Variants in KLRG1 observed in about 807,000 individuals in gnomAD.
The protein encoded by KLRG1 is killer cell lectin like receptor G1, also known as killer cell lectin-like receptor subfamily G member 1.
KLRG1 carries 16 observed loss-of-function variants against 21.8 expected under a neutral mutation model. That is an observed-to-expected ratio of 0.73 (90% CI 0.50 to 1.11). The LOEUF (loss-of-function observed/expected upper bound fraction) is 1.11, where lower values mean the gene tolerates loss of function less well. Ranked by LOEUF, KLRG1 falls within the 50% of genes most tolerant of loss-of-function variation. KLRG1 has a pLI of 0.00. For missense variants in KLRG1, 173 were observed against 218.3 expected, an observed-to-expected ratio of 0.79 and a Z score of 1.31; for synonymous variants, 69 against 75.9, an observed-to-expected ratio of 0.91 and a Z score of 0.47.
At chr12:9,072,638 GC>G in the KLRG1 span, 8 of 1,612,964 alleles carry the variant, frequency 5.0e-6, no homozygotes, top group Non-Finnish European at 6.8e-6. Context: ...GTCCTCACCT[GC>G]CCAAGAGTCT....
intron 3 of KLRG1, among the ~76,000 whole-genome samples, chr12:9,001,829 G>T (rs1947316855): frequency 6.6e-6 from 1 of 152,136 alleles, no homozygotes; most frequent in Non-Finnish European, 1.5e-5. Flanking sequence ...ACAAAACAGA[G>T]ATATACTGCC....
At chr12:9,079,143 G>T in the KLRG1 span, 1 of 907,172 alleles carries the variant, frequency 1.1e-6, no homozygotes, top group Non-Finnish European at 1.7e-6. Flanking sequence ...CCATCGGTCT[G>T]ATAATACATA....
the KLRG1 span, among the ~76,000 whole-genome samples, chr12:9,189,688 A>C: frequency 1.3e-5 from 2 of 152,342 alleles, no homozygotes; most frequent in Admixed American, 1.3e-4. Context: ...AGAAACTATC[A>C]ATAGAGTAAA....
At chr12:9,107,753 C>T in the KLRG1 span, 2 of 1,267,958 alleles carry the variant, frequency 1.6e-6, no homozygotes, top group Non-Finnish European at 1.1e-6. Context: ...CTGTACTTCC[C>T]TCTGCTCTCT....
chr12:9,172,876 C>T, the KLRG1 span, among the ~76,000 whole-genome samples: 2 of 152,054 alleles, frequency 1.3e-5, no homozygotes, highest in South Asian at 2.1e-4. Context: ...ACAATAATAG[C>T]GAGAGACTTT....
the KLRG1 span, chr12:9,076,638 G>T: frequency 1.2e-6 from 1 of 868,280 alleles, no homozygotes; most frequent in Non-Finnish European, 1.8e-6. Flanking sequence ...AAATATATAT[G>T]ATATATAGAA....
the KLRG1 span, among the ~76,000 whole-genome samples, chr12:9,150,181 A>C: frequency 6.6e-6 from 1 of 152,246 alleles, no homozygotes; most frequent in Non-Finnish European, 1.5e-5. Context: ...AAACTACTTG[A>C]AAGCAGTGAC....
chr12:9,147,570 A>G, the KLRG1 span, among the ~76,000 whole-genome samples: 1 of 152,092 alleles, frequency 6.6e-6, no homozygotes, highest in Non-Finnish European at 1.5e-5. Context: ...ATTTCTCACA[A>G]AGGGAATTTG....
chr12:9,187,067 C>A, the KLRG1 span, among the ~76,000 whole-genome samples: 7 of 85,182 alleles, frequency 8.2e-5, no homozygotes, highest in South Asian at 5.2e-4. Flanking sequence ...GACTTTAAAC[C>A]AAGAAAGGTC....
intron 1 of KLRG1, among the ~76,000 whole-genome samples, chr12:8,960,728 T>A (rs1171307054): frequency 6.6e-6 from 1 of 152,198 alleles, no homozygotes; most frequent in Non-Finnish European, 1.5e-5. Flanking sequence ...TGTCTCCTTC[T>A]GGGGCCAAGG....
the KLRG1 span, among the ~76,000 whole-genome samples, chr12:9,170,275 C>T: frequency 1.3e-5 from 2 of 152,200 alleles, no homozygotes; most frequent in Non-Finnish European, 2.9e-5. This position sits in a 1 kb window ranked among gnomAD's most constrained non-coding sequence, Gnocchi z 4.6. Context: ...AGGATCTCTG[C>T]AACCCATGGA....
chr12:9,076,648 AAAG>A, the KLRG1 span: 2 of 981,392 alleles, frequency 2.0e-6, no homozygotes, highest in East Asian at 2.6e-5. Flanking sequence ...GATATATAGA[AAAG>A]AAGAGAGGAG....
chr12:9,089,006 T>C, the KLRG1 span, among the ~76,000 whole-genome samples: 1 of 152,230 alleles, frequency 6.6e-6, no homozygotes, highest in Admixed American at 6.5e-5. Flanking sequence ...AGATCAAGAC[T>C]CAGAATGCAG....
chr12:9,010,208 TG>T lies in KLRG1; in HGVS notation c.*672del. The T allele has an allele frequency of 1.9e-6, 1 of 532,980 alleles. No homozygotes were observed. Among genetic ancestry groups the T allele is most frequent in the Non-Finnish European group, 3.3e-6 (1 of 301,638 alleles). The allele number at this position is 532,980 out of a possible 1,614,324, so 33.0% of individuals were successfully genotyped here. A position where few individuals can be genotyped will look rare whatever the true frequency, so the allele number is the denominator to read the frequency against. On this transcript the variant is annotated 3_prime_UTR_variant, in exon 5 of 5. Coordinates refer to ENST00000356986, the MANE Select transcript of KLRG1 (RefSeq NM_005810.4). ...CTCTAAAAAAAAAAAAAAATGCTAATGTGAGAATATAAATTGTGGGAAATGA... is the reference window on the plus strand; with the variant it reads ...CTCTAAAAAAAAAAAAAAATGCTAATTGAGAATATAAATTGTGGGAAATGA...
the KLRG1 span, among the ~76,000 whole-genome samples, chr12:9,165,546 A>G: frequency 2.0e-5 from 3 of 152,208 alleles, no homozygotes; most frequent in Non-Finnish European, 4.4e-5. Context: ...AATGAAAGCC[A>G]CTGAATGGTA....
At chr12:9,203,752 G>A in the KLRG1 span, 1 of 1,613,558 alleles carries the variant, frequency 6.2e-7, no homozygotes, top group Non-Finnish European at 8.5e-7. Context: ...TAGCCAGCTG[G>A]CACCGTAGCA....
chr12:9,068,944 C>A, the KLRG1 span: 1 of 743,946 alleles, frequency 1.3e-6, no homozygotes, highest in Non-Finnish European at 2.2e-6. Context: ...GCTTTATTAT[C>A]CTACAGCACA....
intron 1 of KLRG1, among the ~76,000 whole-genome samples, chr12:8,983,785 T>G (rs1269584590): frequency 6.6e-6 from 1 of 152,194 alleles, no homozygotes; most frequent in East Asian, 1.9e-4. Flanking sequence ...CATGTGTTGT[T>G]TCCCATTATT....
the KLRG1 span, chr12:9,165,022 A>T: frequency 8.0e-7 from 1 of 1,242,554 alleles, no homozygotes; most frequent in Non-Finnish European, 1.2e-6. Context: ...AATTATTCAC[A>T]GTGCTAACAC....
Sources: gnomAD v4.1 joint callset for allele counts (sites outside exome capture counted in the v4.1 genomes callset) on GRCh38, gnomAD v4.1.1 for gene constraint, Gnocchi (gnomAD v3.1) non-coding constraint, MANE v1.5 for transcripts, NCBI Gene and HGNC (gene_info 2026-07-23, HGNC 2026-07-21) for gene names.